PGGT1B: variants seen among roughly 807,000 people sequenced by gnomAD.
PGGT1B encodes protein geranylgeranyltransferase type I subunit beta, also known as geranylgeranyl transferase type-1 subunit beta.
A neutral mutation model predicts 46.1 loss-of-function variants in PGGT1B; 30 were observed. The observed-to-expected ratio is 0.65, with a 90% CI of 0.49 to 0.88. PGGT1B has a LOEUF of 0.88. PGGT1B is among the 40% of genes least tolerant of loss of function. The pLI is 0.00. For synonymous variants in PGGT1B, 170 were observed against 160.0 expected (o/e 1.06, Z -0.47); for missense variants, 376 against 455.9 (o/e 0.82, Z 1.60).
At chr5:115,212,866 G>T (rs534878407) in intron 8 of PGGT1B, among the ~76,000 whole-genome samples, 10 of 152,252 alleles carry the variant, frequency 6.6e-5, no homozygotes, top group African/African-American at 2.4e-4. Context: ...GTGATTAAAA[G>T]ACAGGAGTAG....
Position 115,217,057 on chromosome 5 carries a change from A to T in PGGT1B, c.844-84T>A, listed in dbSNP as rs188836319. The T allele has an allele frequency of 9.0e-5, 62 of 692,128 alleles. No individual in the cohort carries two copies. The African/African-American group carries it at 9.7e-4, about 11-fold the overall frequency. 42.9% of individuals were successfully genotyped at this position (692,128 alleles called of 1,614,324 possible). On this transcript the variant is annotated intron_variant, in intron 7 of 8. Coordinates refer to ENST00000419445, the MANE Select transcript of PGGT1B (RefSeq NM_005023.4). ...CAAATTTCAGATACGTGTCATTTAG[A>T]TATGCTTTTCTTTAGCTAAGGTGCT...
At chr5:115,214,836 G>A (rs1054664122) in intron 8 of PGGT1B, among the ~76,000 whole-genome samples, 1 of 152,142 alleles carries the variant, frequency 6.6e-6, no homozygotes, top group Non-Finnish European at 1.5e-5. Context: ...ACCCTGCACT[G>A]GTTTAAAAAA....
chr5:115,260,969 T>C (rs529415443), intron 1 of PGGT1B, among the ~76,000 whole-genome samples: 2 of 152,344 alleles, frequency 1.3e-5, no homozygotes, highest in East Asian at 1.9e-4. Flanking sequence ...CTTATAGTGA[T>C]AGCTGCAAGC....
At chr5:115,229,728 G>A (rs1263994042) in intron 6 of PGGT1B, among the ~76,000 whole-genome samples, 1 of 152,024 alleles carries the variant, frequency 6.6e-6, no homozygotes, top group Non-Finnish European at 1.5e-5. Context: ...TCTTAGAGCC[G>A]CCAGATTTCC....
chr5:115,221,950 A>G lies in PGGT1B; in HGVS notation c.717T>C (p.Val239=). Residue 239 remains valine (V), a synonymous_variant, in exon 7 of 9, where the codon GTT becomes GTC. Transcript: ENST00000419445. The stretch of plus-strand genomic sequence containing the variant: ...TCCTGTTCAATTCTTTTTCTGAAAA[A>G]ACTTCTTCTAGTTTACCCATCAGAC... ...SLCLMGKLEE[V]FSEKELNRIK... is the part of the protein sequence containing the mutation. The G allele has an allele frequency of 6.2e-7, 1 of 1,604,192 alleles. No homozygotes were observed.
chr5:115,226,167 C>A (rs1400144432), intron 6 of PGGT1B, among the ~76,000 whole-genome samples: 1 of 151,948 alleles, frequency 6.6e-6, no homozygotes, highest in Non-Finnish European at 1.5e-5. Flanking sequence ...GAACATTTTA[C>A]CCTAAAACTG....
intron 2 of PGGT1B, among the ~76,000 whole-genome samples, chr5:115,252,280 A>G (rs1241601347): frequency 6.6e-6 from 1 of 152,056 alleles, no homozygotes; most frequent in African/African-American, 2.4e-5. Flanking sequence ...AAAGTTATAT[A>G]AAAACAAACA....
chr5:115,257,068 T>A (rs988180592), intron 1 of PGGT1B, among the ~76,000 whole-genome samples: 3 of 152,150 alleles, frequency 2.0e-5, no homozygotes, highest in African/African-American at 4.8e-5. Context: ...AAGAAGTTTA[T>A]CTTACAAGGA....
chr5:115,244,466 C>CAAAAAA (rs1299602640), intron 2 of PGGT1B, among the ~76,000 whole-genome samples: 8 of 31,186 alleles, frequency 2.6e-4, no homozygotes, highest in African/African-American at 7.2e-4. Flanking sequence ...CTCTGTCTCA[C>CAAAAAA]AAAAAAAAAA....
chr5:115,235,226 C>T (rs1021218966), intron 5 of PGGT1B, among the ~76,000 whole-genome samples: 8 of 151,750 alleles, frequency 5.3e-5, no homozygotes, highest in Non-Finnish European at 5.9e-5. Context: ...AGATTACAAC[C>T]CACTGAATAA....
rs1044538881 is a variant in PGGT1B, at chr5:115,207,078, G to A, written c.*5324C>T. 2.7e-5 allele frequency: 4 copies of A among 150,522 alleles called. No individual in the cohort carries two copies. The highest frequency in any genetic ancestry group is 4.4e-5 in the Non-Finnish European group (3 of 67,524). 9.3% of individuals were successfully genotyped at this position (150,522 alleles called of 1,614,324 possible). ...AGTTTTCCTCATACAGATTTTAGAT[G>A]TGTCTTAAATTTACACATTAAGTTT... On this transcript the variant is annotated 3_prime_UTR_variant, in exon 9 of 9. Coordinates refer to ENST00000419445, the MANE Select transcript of PGGT1B (RefSeq NM_005023.4).
At chr5:115,250,845 T>C (rs1189606102) in intron 2 of PGGT1B, among the ~76,000 whole-genome samples, 1 of 152,168 alleles carries the variant, frequency 6.6e-6, no homozygotes, top group African/African-American at 2.4e-5. Context: ...TTGACCTATT[T>C]TTGTATTTTG....
chr5:115,214,159 T>C (rs1343772877), intron 8 of PGGT1B, among the ~76,000 whole-genome samples: 1 of 152,166 alleles, frequency 6.6e-6, no homozygotes, highest in Non-Finnish European at 1.5e-5. Flanking sequence ...AAAATATATA[T>C]CTATAATAAC....
At chr5:115,224,153 A>C (rs559124329) in intron 6 of PGGT1B, among the ~76,000 whole-genome samples, 1 of 152,202 alleles carries the variant, frequency 6.6e-6, no homozygotes, top group Non-Finnish European at 1.5e-5. Flanking sequence ...AATTTCTATT[A>C]AGCAACTAGT....
intron 2 of PGGT1B, 53 bp from the exon 3 acceptor site, chr5:115,241,659 T>C: frequency 7.4e-7 from 1 of 1,349,818 alleles, no homozygotes; most frequent in East Asian, 2.4e-5. Flanking sequence ...TTTGCACAGA[T>C]TCTAAAGCAG....
At position 115,237,906 on chromosome 5, in the gene PGGT1B, T is replaced by G. The variant is rs1447636135; in HGVS notation, c.431A>C (p.Lys144Thr). ...TCTCAAGCCCGCTAAGCAAGCTTCT[T>G]TATTTACTCGGCTTAAGTCGTCTCC... The part of the protein sequence containing the change: ...ILGDDLSRVN[K>T]EACLAGLRAL... Residue 144 changes from lysine to threonine, a missense_variant, in exon 4 of 9, where the codon AAA (lysine) becomes ACA (threonine). Physicochemically the swap from Lys to Thr is moderately conservative, Grantham distance 78. Coordinates refer to ENST00000419445, the MANE Select transcript of PGGT1B (RefSeq NM_005023.4). The G allele has an allele frequency of 6.2e-7, 1 of 1,612,024 alleles. No homozygotes were observed. Among genetic ancestry groups the G allele is most frequent in the African/African-American group, 1.3e-5 (1 of 74,870 alleles).
At chr5:115,253,285 T>G in intron 1 of PGGT1B, 30 bp from the exon 2 acceptor site, 1 of 1,542,140 alleles carries the variant, frequency 6.5e-7, no homozygotes, top group Non-Finnish European at 8.8e-7. Context: ...AATTCCATCT[T>G]AACTATCATA....
chr5:115,214,876 T>C (rs1280323347), intron 8 of PGGT1B, among the ~76,000 whole-genome samples: 5 of 152,234 alleles, frequency 3.3e-5, no homozygotes, highest in Admixed American at 6.5e-5. Context: ...ATTCTCAGTT[T>C]TGAGGCACTA....
In PGGT1B at chr5:115,262,838, T is replaced by C. The variant is rs371439708; in HGVS notation, c.14A>G (p.Glu5Gly). MAAT[E>G]DERLAGSGEG... Reference sequence around the variant, plus strand: ...ACCGCTCCCTGCTAGCCTCTCATCCTCAGTGGCCGCCATGCTGCTCCGGAA... The same window carrying C: ...ACCGCTCCCTGCTAGCCTCTCATCCCCAGTGGCCGCCATGCTGCTCCGGAA... Residue 5 changes from glutamate (E) to glycine (G), a missense_variant, in exon 1 of 9, where the codon GAG becomes GGG. Coordinates refer to ENST00000419445, the MANE Select transcript of PGGT1B (RefSeq NM_005023.4). The C allele has an allele frequency of 3.7e-6, 6 of 1,612,002 alleles. No individual in the cohort carries two copies. The highest frequency in any genetic ancestry group is 1.3e-5 in the African/African-American group (1 of 74,820).
Sources: gnomAD v4.1 joint callset for allele counts (sites outside exome capture counted in the v4.1 genomes callset) on GRCh38, gnomAD v4.1.1 for gene constraint, MANE v1.5 for transcripts, NCBI Gene and HGNC (gene_info 2026-07-23, HGNC 2026-07-21) for gene names.